MGAT5: variants seen among roughly 807,000 people sequenced by gnomAD.
The protein encoded by MGAT5 is alpha-1,6-mannosylglycoprotein 6-beta-N-acetylglucosaminyltransferase A.
A neutral mutation model predicts 94.3 loss-of-function variants in MGAT5; 30 were observed. The ratio of observed to expected loss-of-function variants is 0.32; its 90% CI spans 0.24 to 0.43. MGAT5 has a LOEUF of 0.43. Among genes scored for constraint, MGAT5 ranks in the 20% least tolerant of loss-of-function variants. MGAT5 has a pLI of 1.00. For missense variants in MGAT5, 691 were observed against 905.5 expected (o/e 0.76, Z 3.04); for synonymous variants, 310 against 322.9 (o/e 0.96, Z 0.43).
intron 2 of MGAT5, among the ~76,000 whole-genome samples, chr2:134,294,972 G>T (rs547131084): frequency 2.0e-5 from 3 of 152,168 alleles, no homozygotes; most frequent in Non-Finnish European, 4.4e-5. Flanking sequence ...TAAGGTGGAC[G>T]CGTCAACTTA....
intron 10 of MGAT5, among the ~76,000 whole-genome samples, chr2:134,381,935 A>G (rs3762487): frequency 0.56 from 85,519 of 152,060 alleles, 24,690 homozygotes; most frequent in Non-Finnish European, 0.62. Flanking sequence ...ATTCTTAATA[A>G]AAACAAAAAT....
At chr2:134,438,351 C>T (rs1385388958) in intron 14 of MGAT5, among the ~76,000 whole-genome samples, 1 of 152,104 alleles carries the variant, frequency 6.6e-6, no homozygotes, top group African/African-American at 2.4e-5. Flanking sequence ...GATATTCAAC[C>T]TATATAAACA....
intron 12 of MGAT5, among the ~76,000 whole-genome samples, chr2:134,417,904 C>A (rs1442142648): frequency 6.6e-6 from 1 of 152,076 alleles, no homozygotes; most frequent in Non-Finnish European, 1.5e-5. Flanking sequence ...TTTTCTGATT[C>A]CCTCATGATT....
chr2:134,207,034 T>C (rs1385303752), intron 1 of MGAT5, among the ~76,000 whole-genome samples: 1 of 152,244 alleles, frequency 6.6e-6, no homozygotes, highest in South Asian at 2.1e-4. Context: ...CTCACTGGGC[T>C]AATCCAGTGT....
At chr2:134,255,539 A>G (rs1682909654) in intron 1 of MGAT5, among the ~76,000 whole-genome samples, 2 of 151,628 alleles carry the variant, frequency 1.3e-5, no homozygotes, top group Admixed American at 1.3e-4. Context: ...ATATATATAC[A>G]TACACATACA....
intron 11 of MGAT5, among the ~76,000 whole-genome samples, chr2:134,406,407 C>T (rs1333327811): frequency 6.6e-6 from 1 of 152,190 alleles, no homozygotes; most frequent in African/African-American, 2.4e-5. Context: ...TGGGTCATGA[C>T]GGCACTGTTT....
intron 1 of MGAT5, among the ~76,000 whole-genome samples, chr2:134,153,681 G>C (rs181255273): frequency 1.3e-5 from 2 of 152,158 alleles, no homozygotes; most frequent in African/African-American, 4.8e-5. Context: ...TGTCTCGGAG[G>C]AGTTTTCTGT....
chr2:134,341,267 C>A (rs1688616086), intron 6 of MGAT5, among the ~76,000 whole-genome samples: 1 of 106,510 alleles, frequency 9.4e-6, no homozygotes, highest in African/African-American at 5.2e-5. Flanking sequence ...AGATAAAAGA[C>A]CAATAGTGTT....
chr2:134,346,059 C>G (rs1176714352), intron 8 of MGAT5, among the ~76,000 whole-genome samples: 1 of 152,166 alleles, frequency 6.6e-6, no homozygotes, highest in Non-Finnish European at 1.5e-5. Context: ...AGATAGTGCT[C>G]TACCTTTTGC....
At chr2:134,241,418 T>G (rs1190394003) in intron 1 of MGAT5, among the ~76,000 whole-genome samples, 1 of 152,228 alleles carries the variant, frequency 6.6e-6, no homozygotes, top group Non-Finnish European at 1.5e-5. Context: ...GGACATTTTG[T>G]CTAATTGGGG....
At chr2:134,441,290 C>T (rs1006418205) in intron 14 of MGAT5, among the ~76,000 whole-genome samples, 1 of 152,070 alleles carries the variant, frequency 6.6e-6, no homozygotes, top group Non-Finnish European at 1.5e-5. Context: ...GAAACAGTGT[C>T]GTATTAGGTA....
intron 1 of MGAT5, among the ~76,000 whole-genome samples, chr2:134,121,939 C>T (rs995921928): frequency 6.6e-6 from 1 of 152,124 alleles, no homozygotes; most frequent in Non-Finnish European, 1.5e-5. Context: ...AATCACTGAA[C>T]AGTTTTTCAT....
chr2:134,434,827 A>AT (rs1475021837), intron 14 of MGAT5, among the ~76,000 whole-genome samples: 11 of 152,054 alleles, frequency 7.2e-5, no homozygotes, highest in African/African-American at 2.4e-4. Flanking sequence ...CTGTTCGGTA[A>AT]TTTTTTAGCA....
Position 134,451,643 on chromosome 2 carries a change from GA to G in MGAT5, c.*2799del, listed in dbSNP as rs1686115608. 1 of 152,222 alleles carries G rather than the reference GA, an allele frequency of 6.6e-6. No homozygotes were observed. The highest frequency in any genetic ancestry group is 1.5e-5 in the Non-Finnish European group (1 of 68,036). The allele number at this position is 152,222 out of a possible 1,614,324, so 9.4% of individuals were successfully genotyped here. ...AGCTGATAACAGTTCCATGGGGAGAGAAATCCTAAGTTATGATTAATGTTTT... is the reference window on the plus strand; with the variant it reads ...AGCTGATAACAGTTCCATGGGGAGAGAATCCTAAGTTATGATTAATGTTTT... On this transcript the variant is annotated 3_prime_UTR_variant, in exon 16 of 16. Transcript: ENST00000281923.
intron 1 of MGAT5, among the ~76,000 whole-genome samples, chr2:134,191,604 G>A (rs957761467): frequency 1.1e-4 from 16 of 148,250 alleles, no homozygotes; most frequent in African/African-American, 4.0e-4. Context: ...TTTCTCATGG[G>A]AGGGTGGGTT....
At chr2:134,260,223 T>C (rs1224856998) in intron 1 of MGAT5, among the ~76,000 whole-genome samples, 2 of 152,236 alleles carry the variant, frequency 1.3e-5, no homozygotes. Context: ...GATGTTCTTA[T>C]GCAGAAACCA....
intron 10 of MGAT5, among the ~76,000 whole-genome samples, chr2:134,387,329 TATA>T (rs1320680184): frequency 1.3e-3 from 64 of 47,492 alleles, no homozygotes; most frequent in Non-Finnish European, 1.9e-3. Flanking sequence ...TATATATATA[TATA>T]TTTTTTTTTT....
At chr2:134,415,862 A>G (rs1359480655) in intron 12 of MGAT5, among the ~76,000 whole-genome samples, 1 of 152,278 alleles carries the variant, frequency 6.6e-6, no homozygotes, top group East Asian at 1.9e-4. Flanking sequence ...AATATTATTT[A>G]TTGATGACAC....
intron 1 of MGAT5, among the ~76,000 whole-genome samples, chr2:134,169,413 GACACACAC>G (rs71660291): frequency 5.5e-5 from 7 of 126,976 alleles, no homozygotes; most frequent in East Asian, 2.3e-4. Context: ...CACACACACA[GACACACAC>G]ACACACACAC....
Sources: allele counts gnomAD v4.1 joint callset (sites outside exome capture counted in the v4.1 genomes callset), GRCh38; gene constraint gnomAD v4.1.1; transcripts MANE v1.5; gene names NCBI Gene and HGNC (gene_info 2026-07-23, HGNC 2026-07-21).